The following ZNF674 variants were observed in gnomAD, a reference collection of about 807,000 sequenced individuals.
The protein encoded by ZNF674 is zinc finger family member 674.
In ZNF674, 2 loss-of-function variants were observed where a neutral mutation model predicts 7.0. That is an observed-to-expected ratio of 0.29 (90% CI 0.12 to 0.90). The LOEUF (loss-of-function observed/expected upper bound fraction) is 0.90, where lower values mean the gene tolerates loss of function less well. ZNF674 is among the 40% of genes least tolerant of loss of function. The pLI is 0.57. For missense variants in ZNF674, 297 were observed against 415.5 expected (o/e 0.71, Z 2.48); for synonymous variants, 103 against 145.2 (o/e 0.71, Z 2.09).
chrX:46,529,162 C>T, intron 3 of ZNF674: 1 of 448,086 alleles, frequency 2.2e-6, no homozygotes, highest in South Asian at 3.5e-5. Context: ...CTCCCGCATC[C>T]ACGCTGGCCT....
At chrX:46,508,245 T>C (rs1353847283) in intron 5 of ZNF674, among the ~76,000 whole-genome samples, 1 of 111,484 alleles carries the variant, frequency 9.0e-6, no homozygotes, top group African/African-American at 3.3e-5. Flanking sequence ...CAGATGGTTT[T>C]GAAAATGACT....
At chrX:46,529,046 A>C in intron 3 of ZNF674, 137 bp from the exon 4 acceptor site, 1 of 1,078,559 alleles carries the variant, frequency 9.3e-7, no homozygotes, top group Non-Finnish European at 1.3e-6. Flanking sequence ...CTTCGCCGCC[A>C]CCCTAGAAGG....
At position 46,501,296 on chromosome X, in the gene ZNF674, T is replaced by A. The variant is rs373964733; in HGVS notation, c.278A>T (p.Glu93Val). ...EVDEQIDHYK[E>V]SQDKFLWQAA... ...TTGCCACAGAAATTTGTCTTGGCTT[T>A]CCTTGTAGTGATCTATCTGCTCGTC... The change falls in exon 6 of 6, where the codon GAA (glutamate) becomes GTA (valine). Residue 93 changes from glutamate to valine, a missense_variant. Transcript: ENST00000683375. 8.3e-7 allele frequency: 1 copy of A among 1,210,824 alleles called. No individual in the cohort carries two copies. Among genetic ancestry groups the A allele is most frequent in the Non-Finnish European group, 1.1e-6 (1 of 895,227 alleles).
At chrX:46,504,958 C>T (rs1443392081) in intron 5 of ZNF674, among the ~76,000 whole-genome samples, 24 of 108,998 alleles carry the variant, frequency 2.2e-4, no homozygotes, top group African/African-American at 6.7e-5. Flanking sequence ...GGTGGGATCT[C>T]GGCTCACTGC....
intron 5 of ZNF674, among the ~76,000 whole-genome samples, chrX:46,503,639 G>A (rs1300777175): frequency 1.8e-5 from 2 of 111,386 alleles, no homozygotes; most frequent in Non-Finnish European, 3.8e-5. Flanking sequence ...TAAAATTACG[G>A]GAAAAGCTAC....
At chrX:46,518,908 A>T (rs982571466) in intron 5 of ZNF674, among the ~76,000 whole-genome samples, 2 of 106,055 alleles carry the variant, frequency 1.9e-5, no homozygotes, top group Admixed American at 2.1e-4. Flanking sequence ...ATAAATAAAT[A>T]AATAAATAAA....
At chrX:46,505,644 G>A (rs943952651) in intron 5 of ZNF674, among the ~76,000 whole-genome samples, 1 of 110,799 alleles carries the variant, frequency 9.0e-6, no homozygotes, top group Non-Finnish European at 1.9e-5. Flanking sequence ...GATGACAGGC[G>A]CCTATAATCC....
intron 5 of ZNF674, among the ~76,000 whole-genome samples, chrX:46,519,284 TA>T (rs764438478): frequency 5.9e-5 from 6 of 100,857 alleles, no homozygotes; most frequent in East Asian, 3.1e-4. Flanking sequence ...GATAGATAGA[TA>T]GATAGATAGA....
chrX:46,532,808 T>C (rs184837635), intron 3 of ZNF674, among the ~76,000 whole-genome samples: 166 of 112,215 alleles, frequency 1.5e-3, no homozygotes, highest in African/African-American at 5.0e-3. Flanking sequence ...TTGGGCCACA[T>C]ATAAAATACA....
intron 5 of ZNF674, among the ~76,000 whole-genome samples, chrX:46,511,811 G>A (rs1285819301): frequency 1.8e-5 from 2 of 111,024 alleles, no homozygotes; most frequent in Non-Finnish European, 3.8e-5. Flanking sequence ...ATCACCTGAG[G>A]TCGGAGTTCA....
intron 5 of ZNF674, among the ~76,000 whole-genome samples, chrX:46,515,366 C>CAA (rs57262712): frequency 9.7e-4 from 67 of 68,845 alleles, no homozygotes; most frequent in African/African-American, 1.8e-3. Context: ...GAGACTCTCT[C>CAA]AAAAAAAAAA....
At chrX:46,524,874 G>T (rs1051510438) in intron 5 of ZNF674, among the ~76,000 whole-genome samples, 12 of 109,476 alleles carry the variant, frequency 1.1e-4, no homozygotes, top group Non-Finnish European at 1.9e-4. Flanking sequence ...GCTGGGCATG[G>T]TGGTACATGC....
Position 46,500,531 on chromosome X carries a change from G to T in ZNF674, c.1043C>A (p.Thr348Lys). 8.3e-7 allele frequency: 1 copy of T among 1,211,202 alleles called. No individual in the cohort carries two copies. The highest frequency in any genetic ancestry group is 1.1e-6 in the Non-Finnish European group (1 of 894,768). Residue 348 changes from threonine to lysine, a missense_variant, in exon 6 of 6, where the codon ACA becomes AAA. Coordinates refer to ENST00000683375, the MANE Select transcript of ZNF674 (RefSeq NM_001190417.2). ...TTCACTGCACTGAGGTTTCTCACTT[G>T]TGTGAATTCTTTGATATATAAGGCT... ...TSSLIYQRIH[T>K]SEKPQCSEHG...
intron 5 of ZNF674, among the ~76,000 whole-genome samples, chrX:46,513,408 C>T (rs1184719629): frequency 1.8e-5 from 2 of 112,388 alleles, no homozygotes; most frequent in Non-Finnish European, 3.8e-5. Flanking sequence ...CCAATTTACC[C>T]TTGCCATATT....
At chrX:46,512,625 A>G (rs1342784983) in intron 5 of ZNF674, among the ~76,000 whole-genome samples, 1 of 105,206 alleles carries the variant, frequency 9.5e-6, no homozygotes, top group African/African-American at 3.5e-5. Context: ...TTAGTTGGGC[A>G]TGGTGGCACA....
intron 2 of ZNF674, among the ~76,000 whole-genome samples, chrX:46,543,244 G>A (rs1242990770): frequency 8.9e-6 from 1 of 112,005 alleles, no homozygotes; most frequent in Non-Finnish European, 1.9e-5. Flanking sequence ...ATGAGCCACC[G>A]CGCCTGACCT....
intron 5 of ZNF674, among the ~76,000 whole-genome samples, chrX:46,517,384 A>G (rs1941787040): frequency 9.0e-6 from 1 of 111,641 alleles, no homozygotes; most frequent in Non-Finnish European, 1.9e-5. Context: ...TAGAGTCCTC[A>G]AAGAAGGAGA....
intron 5 of ZNF674, among the ~76,000 whole-genome samples, chrX:46,504,940 A>G (rs1284658790): frequency 9.1e-6 from 1 of 109,320 alleles, no homozygotes; most frequent in East Asian, 2.8e-4. Context: ...CCCAGGCTGG[A>G]GTGCAGTGGT....
chrX:46,507,273 G>A (rs747017789), intron 5 of ZNF674, among the ~76,000 whole-genome samples: 7 of 111,316 alleles, frequency 6.3e-5, no homozygotes, highest in Non-Finnish European at 5.7e-5. Flanking sequence ...GATCGCTTGA[G>A]CCCAGGAGTT....
Sources: gnomAD v4.1 joint callset for allele counts (sites outside exome capture counted in the v4.1 genomes callset) on GRCh38, gnomAD v4.1.1 for gene constraint, MANE v1.5 for transcripts, NCBI Gene and HGNC (gene_info 2026-07-23, HGNC 2026-07-21) for gene names.